The following DOCK8 variants were observed in gnomAD, a reference collection of about 807,000 sequenced individuals.
The protein encoded by DOCK8 is dedicator of cytokinesis protein 8.
A neutral mutation model predicts 245.6 loss-of-function variants in DOCK8; 141 were observed. The ratio of observed to expected loss-of-function variants is 0.57; its 90% CI spans 0.50 to 0.66. The LOEUF is 0.66. Ranked by LOEUF, DOCK8 falls within the 30% of genes least tolerant of loss-of-function variation. The pLI is 0.00. For missense variants in DOCK8, 2,965 were observed against 2,603.4 expected (o/e 1.14, Z -3.02); for synonymous variants, 1,168 against 970.2 (o/e 1.20, Z -3.79).
At chr9:305,539 C>A (rs1204394334) in intron 5 of DOCK8, among the ~76,000 whole-genome samples, 1 of 152,210 alleles carries the variant, frequency 6.6e-6, no homozygotes, top group African/African-American at 2.4e-5. Flanking sequence ...CCCGCCTCGG[C>A]CTCCCAAAGT....
rs5895846 is a variant in DOCK8 at position 463,276 on chromosome 9, T to TA, written c.6069-229dup. 2.0e-3 allele frequency among the ~76,000 whole-genome samples: 291 copies of TA among 148,664 alleles called. 1 individual carries two copies. The highest frequency in any genetic ancestry group is 6.1e-3 in the African/African-American group (244 of 39,886). Reference sequence around the variant, plus strand: ...CGTCTCAAAAAATAATAAAATAAGGTAAAAAAAAAAAACAAACACAGAGAT... The same window carrying TA: ...CGTCTCAAAAAATAATAAAATAAGGTAAAAAAAAAAAAACAAACACAGAGAT... On this transcript the variant is annotated intron_variant, in intron 46 of 47. Coordinates refer to ENST00000432829, the MANE Select transcript of DOCK8 (RefSeq NM_203447.4).
rs481905 is a variant in DOCK8 at position 215,057 on chromosome 9, T to C, written c.53+28T>C. 0.52 allele frequency: 808,977 copies of C among 1,554,490 alleles called. 213,906 individuals carry two copies. Among genetic ancestry groups the C allele is most frequent in the East Asian group, 0.72 (29,795 of 41,346 alleles). On this transcript the variant is annotated intron_variant, in intron 1 of 47. Coordinates refer to ENST00000432829, the MANE Select transcript of DOCK8 (RefSeq NM_203447.4). ...AAGACGCCCCCCGCGGCGCGCAGGT[T>C]GCGGCCGGACAGCCCAGCGCTGGTG... is the stretch of plus-strand genomic sequence containing the variant.
intron 1 of DOCK8, among the ~76,000 whole-genome samples, chr9:263,311 A>G (rs1358543310): frequency 2.6e-5 from 4 of 151,836 alleles, no homozygotes; most frequent in Admixed American, 2.0e-4. Flanking sequence ...TATAGTCATT[A>G]CAACAATACA....
intron 27 of DOCK8, among the ~76,000 whole-genome samples, 197 bp from the exon 28 acceptor site, chr9:406,731 TTC>T (rs1375432057): frequency 1.5e-4 from 23 of 152,266 alleles, no homozygotes; most frequent in African/African-American, 4.8e-4. Context: ...CTGGGCAGTC[TTC>T]TCTCTGTGGG....
At chr9:369,577 T>G (rs569956933) in intron 15 of DOCK8, 1 of 154,574 alleles carries the variant, frequency 6.5e-6, no homozygotes, top group South Asian at 2.0e-4. Flanking sequence ...TCTGTATGTT[T>G]GAGAGAGAAG....
chr9:361,725 C>T lies in DOCK8; in HGVS notation c.1680-6293C>T, dbSNP rs148658647. Among the ~76,000 whole-genome samples, 914 of 152,212 alleles carry T rather than the reference C, an allele frequency of 6.0e-3. 6 individuals are homozygous for T. Among genetic ancestry groups the T allele is most frequent in the African/African-American group, 0.021 (874 of 41,522 alleles). On this transcript the variant is annotated intron_variant, in intron 14 of 47. Transcript: ENST00000432829. The stretch of plus-strand genomic sequence containing the variant: ...TTGTTTCCTCCTTTTTTAAAAAAGG[C>T]GTAGATTTCATATTACTACTTTGTT...
chr9:443,346 A>G (rs1291696350), intron 42 of DOCK8, 81 bp from the exon 43 acceptor site: 1 of 1,397,318 alleles, frequency 7.2e-7, no homozygotes, highest in Non-Finnish European at 1.0e-6. Flanking sequence ...CACTTGCTCC[A>G]AACTTATTTC....
intron 4 of DOCK8, among the ~76,000 whole-genome samples, chr9:302,765 A>G (rs983468012): frequency 6.6e-6 from 1 of 152,216 alleles, no homozygotes; most frequent in Admixed American, 6.5e-5. Context: ...ATCACTAATC[A>G]TTAGATAAAT....
At chr9:397,553 A>G (rs981658434) in intron 25 of DOCK8, among the ~76,000 whole-genome samples, 3 of 151,002 alleles carry the variant, frequency 2.0e-5, no homozygotes, top group East Asian at 2.0e-4. Context: ...AGCCGGGTGT[A>G]GTGGCACGTA....
chr9:235,328 G>A (rs571630), intron 1 of DOCK8, among the ~76,000 whole-genome samples: 91,738 of 152,050 alleles, frequency 0.6, 28,154 homozygotes, highest in East Asian at 0.79. Flanking sequence ...CCTCCCAGTT[G>A]GGCTACTCGG....
At chr9:433,757 T>C (rs1297874158) in intron 37 of DOCK8, 118 bp from the exon 38 acceptor site, 3 of 822,578 alleles carry the variant, frequency 3.6e-6, no homozygotes, top group Non-Finnish European at 6.3e-6. Context: ...CCATCCCTAG[T>C]CTCTGCTGCC....
intron 46 of DOCK8, among the ~76,000 whole-genome samples, chr9:460,802 C>T (rs956971863): frequency 1.3e-5 from 2 of 152,246 alleles, no homozygotes; most frequent in African/African-American, 4.8e-5. Context: ...CTTTGACTGT[C>T]ATCCTGAAAA....
intron 12 of DOCK8, among the ~76,000 whole-genome samples, chr9:338,344 C>A (rs113266738): frequency 6.6e-6 from 1 of 152,054 alleles, no homozygotes; most frequent in African/African-American, 2.4e-5. Context: ...GCCTGTGCAC[C>A]GTGCCACATC....
intron 14 of DOCK8, among the ~76,000 whole-genome samples, chr9:347,597 A>T (rs1215763170): frequency 6.6e-6 from 1 of 152,216 alleles, no homozygotes; most frequent in Non-Finnish European, 1.5e-5. Flanking sequence ...TCGCTTATGG[A>T]ACAGAAGCTT....
Position 379,052 on chromosome 9 carries a change from C to T in DOCK8, c.2441-719C>T, listed in dbSNP as rs115246442. On this transcript the variant is annotated intron_variant, in intron 20 of 47. Transcript: ENST00000432829. ...ATGGGAGTGAGGAGGGCTTCCTAGG[C>T]GAGGACAACAGCATGAGCAAAGTCT... is the stretch of plus-strand genomic sequence containing the variant. Among the ~76,000 whole-genome samples, 389 of 152,110 alleles carry T rather than the reference C, an allele frequency of 2.6e-3. 5 individuals are homozygous for T. The highest frequency in any genetic ancestry group is 8.9e-3 in the African/African-American group (368 of 41,468).
chr9:277,332 G>T (rs1167078289), intron 2 of DOCK8, among the ~76,000 whole-genome samples: 1 of 151,958 alleles, frequency 6.6e-6, no homozygotes, highest in East Asian at 1.9e-4. Context: ...GGCTGAGGCA[G>T]AAGGATCACT....
intron 5 of DOCK8, among the ~76,000 whole-genome samples, chr9:307,267 C>G (rs903752211): frequency 2.0e-5 from 3 of 149,136 alleles, no homozygotes; most frequent in Non-Finnish European, 4.4e-5. Context: ...CCAGCGTACA[C>G]ACAAAGCACA....
At chr9:232,588 T>C (rs181837887) in intron 1 of DOCK8, among the ~76,000 whole-genome samples, 2 of 152,344 alleles carry the variant, frequency 1.3e-5, no homozygotes, top group Admixed American at 1.3e-4. Context: ...GTTATTTGTC[T>C]ATTCAGAGAT....
At chr9:266,661 C>T (rs2048040282) in intron 1 of DOCK8, among the ~76,000 whole-genome samples, 1 of 152,132 alleles carries the variant, frequency 6.6e-6, no homozygotes, top group Non-Finnish European at 1.5e-5. Context: ...TAATTATCTG[C>T]TGATCTGAAA....
Sources: gnomAD v4.1 joint callset for allele counts (sites outside exome capture counted in the v4.1 genomes callset) on GRCh38, gnomAD v4.1.1 for gene constraint, MANE v1.5 for transcripts, NCBI Gene and HGNC (gene_info 2026-07-23, HGNC 2026-07-21) for gene names.